Variants in DPY19L2 observed in about 807,000 individuals in gnomAD.
DPY19L2 encodes probable C-mannosyltransferase DPY19L2.
In DPY19L2, 34 loss-of-function variants were observed where a neutral mutation model predicts 97.9. That is an observed-to-expected ratio of 0.35 (90% CI 0.26 to 0.46). The LOEUF is 0.46. Among genes scored for constraint, DPY19L2 ranks in the 20% least tolerant of loss-of-function variants. DPY19L2 has a pLI of 1.00. For missense variants in DPY19L2, 623 were observed against 911.4 expected (o/e 0.68, Z 4.07); for synonymous variants, 230 against 307.9 (o/e 0.75, Z 2.65).
chr12:63,584,410 GTC>G (rs1343451225), intron 16 of DPY19L2, among the ~76,000 whole-genome samples: 1 of 152,142 alleles, frequency 6.6e-6, no homozygotes, highest in African/African-American at 2.4e-5. Context: ...GAATACCACA[GTC>G]TCTGCTTATC....
chr12:63,577,174 T>C (rs1475771703), intron 19 of DPY19L2, among the ~76,000 whole-genome samples: 1 of 151,924 alleles, frequency 6.6e-6, no homozygotes, highest in African/African-American at 2.4e-5. Flanking sequence ...CCCAAAAACA[T>C]ACACTGGGGA....
At chr12:63,568,991 T>C (rs1324885179) in intron 21 of DPY19L2, among the ~76,000 whole-genome samples, 2 of 152,040 alleles carry the variant, frequency 1.3e-5, no homozygotes, top group Non-Finnish European at 2.9e-5. Flanking sequence ...AAGTGGAAGA[T>C]GTTAAATTGA....
chr12:63,621,661 A>G (rs7311307), intron 8 of DPY19L2, among the ~76,000 whole-genome samples: 105,324 of 151,972 alleles, frequency 0.69, 37,067 homozygotes, highest in African/African-American at 0.8. Flanking sequence ...AGGATGCAGC[A>G]CTGCCCCTGC....
chr12:63,624,529 C>G (rs7301356), intron 7 of DPY19L2, among the ~76,000 whole-genome samples: 22,476 of 152,012 alleles, frequency 0.15, 1,901 homozygotes, highest in Middle Eastern at 0.22. Context: ...AAACAAATGT[C>G]ACCTAGGTCA....
chr12:63,610,863 A>C (rs868383249), intron 11 of DPY19L2, among the ~76,000 whole-genome samples: 2,654 of 100,578 alleles, frequency 0.026, 36 homozygotes, highest in Middle Eastern at 0.058. Flanking sequence ...AAAAAAAAAA[A>C]AAAAAAAAAA....
intron 4 of DPY19L2, among the ~76,000 whole-genome samples, chr12:63,658,439 A>G (rs1018638681): frequency 1.2e-4 from 18 of 152,298 alleles, no homozygotes; most frequent in African/African-American, 4.3e-4. Context: ...GGCTACAGGG[A>G]GCCGAGATCA....
At chr12:63,635,266 C>G (rs1891445787) in intron 6 of DPY19L2, among the ~76,000 whole-genome samples, 1 of 152,060 alleles carries the variant, frequency 6.6e-6, no homozygotes, top group Admixed American at 6.6e-5. Flanking sequence ...ACACCCACAC[C>G]AAAATCCCAT....
At chr12:63,596,366 C>G (rs527848721) in intron 14 of DPY19L2, among the ~76,000 whole-genome samples, 3 of 152,024 alleles carry the variant, frequency 2.0e-5, no homozygotes, top group Non-Finnish European at 4.4e-5. Context: ...CTGGGTCCTA[C>G]GTTGTAACTT....
rs114393322 is a variant in DPY19L2, at chr12:63,654,865, A to C, written c.588+6479T>G. On this transcript the variant is annotated intron_variant, in intron 4 of 21. Coordinates refer to ENST00000324472, the MANE Select transcript of DPY19L2 (RefSeq NM_173812.5). ...AAAACAGATAGATGTCAACGGAGAA[A>C]TGAACAAATACATAATTTTACTAGG... Among the ~76,000 whole-genome samples the C allele has an allele frequency of 4.1e-3, 626 of 152,272 alleles. 5 individuals are homozygous for C. Among genetic ancestry groups the C allele is most frequent in the African/African-American group, 0.014 (579 of 41,570 alleles).
At chr12:63,632,962 G>A (rs965734213) in intron 6 of DPY19L2, among the ~76,000 whole-genome samples, 8 of 152,038 alleles carry the variant, frequency 5.3e-5, no homozygotes, top group African/African-American at 1.9e-4. Flanking sequence ...CAAGCAATGG[G>A]GAAACGATTC....
chr12:63,635,643 C>G (rs954275454), intron 6 of DPY19L2, among the ~76,000 whole-genome samples: 4 of 152,040 alleles, frequency 2.6e-5, no homozygotes, highest in Non-Finnish European at 5.9e-5. Context: ...GACGCATGCA[C>G]AAGCTTCAGT....
intron 18 of DPY19L2, among the ~76,000 whole-genome samples, chr12:63,581,479 CTTTTTTTTTTT>C (rs71086686): frequency 1.1e-5 from 1 of 91,840 alleles, no homozygotes; most frequent in East Asian, 3.8e-4. Context: ...CCAGGAAACT[CTTTTTTTTTTT>C]TTTTTTTTTC....
chr12:63,665,264 G>C (rs1896192410), intron 2 of DPY19L2, among the ~76,000 whole-genome samples: 1 of 152,048 alleles, frequency 6.6e-6, no homozygotes, highest in Admixed American at 6.6e-5. Context: ...TTGAGGCCAG[G>C]AGCTTGACAC....
intron 7 of DPY19L2, among the ~76,000 whole-genome samples, chr12:63,624,805 T>C: frequency 6.6e-6 from 1 of 152,146 alleles, no homozygotes; most frequent in Non-Finnish European, 1.5e-5. Context: ...TCTGAAATTC[T>C]AGAAAGAATG....
intron 12 of DPY19L2, among the ~76,000 whole-genome samples, chr12:63,603,547 G>C (rs57426854): frequency 5.9e-5 from 9 of 151,838 alleles, no homozygotes; most frequent in Middle Eastern, 3.4e-3. Context: ...ACAAGCCCCA[G>C]TGTGTGTTGT....
chr12:63,637,026 T>C (rs1452062984), intron 6 of DPY19L2, among the ~76,000 whole-genome samples: 1 of 152,140 alleles, frequency 6.6e-6, no homozygotes, highest in Admixed American at 6.5e-5. Flanking sequence ...ATTGACCACA[T>C]AGTTGAAAGT....
chr12:63,625,198 C>T (rs1046360663), intron 7 of DPY19L2, among the ~76,000 whole-genome samples: 21 of 152,088 alleles, frequency 1.4e-4, no homozygotes, highest in African/African-American at 5.1e-4. Flanking sequence ...GAGTTCGAGA[C>T]CAGCCTGGCC....
intron 6 of DPY19L2, among the ~76,000 whole-genome samples, chr12:63,632,417 A>G (rs564192701): frequency 6.6e-6 from 1 of 152,270 alleles, no homozygotes; most frequent in Non-Finnish European, 1.5e-5. Context: ...CCTATACACC[A>G]CTAATAGACA....
intron 13 of DPY19L2, among the ~76,000 whole-genome samples, chr12:63,599,181 A>AC (rs200747585): frequency 7.3e-5 from 11 of 150,708 alleles, no homozygotes; most frequent in Non-Finnish European, 1.2e-4. Flanking sequence ...CAAAAAACAA[A>AC]AAAAAAAAAA....
Sources: allele counts gnomAD v4.1 joint callset (sites outside exome capture counted in the v4.1 genomes callset), GRCh38; gene constraint gnomAD v4.1.1; transcripts MANE v1.5; gene names NCBI Gene and HGNC (gene_info 2026-07-23, HGNC 2026-07-21).